The following DHRSX variants were observed in gnomAD, a reference collection of about 807,000 sequenced individuals.
DHRSX encodes dehydrogenase/reductase X-linked.
Under a neutral mutation model 34.0 loss-of-function variants are expected in DHRSX, and 31 were observed. That is an observed-to-expected ratio of 0.91 (90% CI 0.69 to 1.23). The LOEUF is 1.23. DHRSX is among the 50% of genes most tolerant of loss of function. The pLI, the probability that DHRSX is intolerant of heterozygous loss-of-function variation, is 0.00. For synonymous variants in DHRSX, 201 were observed against 183.8 expected (o/e 1.09, Z -0.76); for missense variants, 414 against 428.1 (o/e 0.97, Z 0.29).
intron 1 of DHRSX, among the ~76,000 whole-genome samples, chrX:2,445,128 G>T (rs2044113663): frequency 6.6e-6 from 1 of 152,142 alleles, no homozygotes; most frequent in African/African-American, 2.4e-5. Flanking sequence ...CTGCACTCCA[G>T]CCTGGGCAAC....
At chrX:2,255,311 T>C (rs73183498) in intron 5 of DHRSX, among the ~76,000 whole-genome samples, 19,951 of 152,064 alleles carry the variant, frequency 0.13, 1,833 homozygotes, top group Non-Finnish European at 0.19. Context: ...CATAGACACA[T>C]AGTGAGTGTG....
intron 3 of DHRSX, among the ~76,000 whole-genome samples, chrX:2,401,421 A>G (rs1367894030): frequency 6.6e-6 from 1 of 152,194 alleles, no homozygotes; most frequent in Non-Finnish European, 1.5e-5. Context: ...AGGAAGCTAA[A>G]TGAATCAGAA....
chrX:2,441,415 C>T (rs942418252), intron 1 of DHRSX, among the ~76,000 whole-genome samples: 1 of 152,130 alleles, frequency 6.6e-6, no homozygotes, highest in African/African-American at 2.4e-5. Flanking sequence ...ATGATGTCAT[C>T]TGTGGACACA....
At chrX:2,422,984 G>A (rs1396002857) in intron 2 of DHRSX, among the ~76,000 whole-genome samples, 2 of 151,506 alleles carry the variant, frequency 1.3e-5, no homozygotes, top group Admixed American at 6.6e-5. Flanking sequence ...TGTGTTTTTA[G>A]GACAGTCAGG....
intron 4 of DHRSX, among the ~76,000 whole-genome samples, chrX:2,271,604 G>A (rs1342720971): frequency 6.6e-6 from 1 of 152,094 alleles, no homozygotes. Flanking sequence ...AAACCAACTG[G>A]GAGGGATCCA....
intron 4 of DHRSX, among the ~76,000 whole-genome samples, chrX:2,267,458 T>C (rs1602838810): frequency 6.6e-6 from 1 of 151,954 alleles, no homozygotes; most frequent in South Asian, 2.1e-4. Context: ...GGCAGGAGAA[T>C]TGCTTGAACC....
intron 1 of DHRSX, among the ~76,000 whole-genome samples, chrX:2,430,743 T>A (rs1165880830): frequency 7.9e-5 from 12 of 152,120 alleles, no homozygotes; most frequent in Non-Finnish European, 1.8e-4. Flanking sequence ...TCAGGCGCAG[T>A]GGCTCATGCC....
chrX:2,231,738 T>C (rs779490795), intron 6 of DHRSX, among the ~76,000 whole-genome samples: 3 of 151,168 alleles, frequency 2.0e-5, no homozygotes, highest in Admixed American at 6.6e-5. Context: ...TCTTCTCTTC[T>C]TCCTCCTCCA....
At position 2,456,855 on chromosome X, in the gene DHRSX, G is replaced by A. The variant is rs760249768; in HGVS notation, c.110-31551C>T. Among the ~76,000 whole-genome samples, 38 of 152,234 alleles carry A rather than the reference G, an allele frequency of 2.5e-4. 1 individual carries two copies. Among genetic ancestry groups the A allele is most frequent in the Non-Finnish European group, 5.1e-4 (35 of 68,014 alleles). On this transcript the variant is annotated intron_variant, in intron 1 of 6. Transcript: ENST00000334651. Reference sequence around the variant, plus strand: ...AATCTCTGATCTGAGTGCGGCTGGGGAGCTGCTGTTCCAGAAAGCAAATGA... The same window carrying A: ...AATCTCTGATCTGAGTGCGGCTGGGAAGCTGCTGTTCCAGAAAGCAAATGA...
intron 6 of DHRSX, among the ~76,000 whole-genome samples, chrX:2,236,172 A>G (rs2016011289): frequency 6.6e-6 from 1 of 152,200 alleles, no homozygotes; most frequent in Admixed American, 6.5e-5. Context: ...TAAATTTATA[A>G]TAAATAAGTG....
intron 3 of DHRSX, among the ~76,000 whole-genome samples, chrX:2,338,869 G>A (rs1190702966): frequency 6.6e-6 from 1 of 151,866 alleles, no homozygotes; most frequent in African/African-American, 2.4e-5. Flanking sequence ...TCTACCATGG[G>A]GTATTTATGT....
chrX:2,241,001 T>C (rs2016129421), intron 6 of DHRSX, among the ~76,000 whole-genome samples: 1 of 152,020 alleles, frequency 6.6e-6, no homozygotes, highest in South Asian at 2.1e-4. Flanking sequence ...TTGGCCAACA[T>C]GGTGAAACCC....
Position 2,221,015 on chromosome X carries a change from G to A in DHRSX, c.*26C>T, listed in dbSNP as rs2015507535. 5.6e-6 allele frequency: 9 copies of A among 1,608,778 alleles called. No individual in the cohort carries two copies. The East Asian group carries it at 2.0e-4, about 36-fold the overall frequency. On this transcript the variant is annotated 3_prime_UTR_variant, in exon 7 of 7. Coordinates refer to ENST00000334651, the MANE Select transcript of DHRSX (RefSeq NM_145177.3). ...TTGGCAGGTGCAATGTGTTTCTTGG[G>A]GCAGCAGCTATCCTGAGACAGGATA...
intron 6 of DHRSX, among the ~76,000 whole-genome samples, chrX:2,240,195 A>C (rs1409247844): frequency 6.6e-6 from 1 of 151,988 alleles, no homozygotes; most frequent in Non-Finnish European, 1.5e-5. Context: ...CAGGAGGCTG[A>C]GGCAGGAGAA....
At chrX:2,426,842 T>G (rs994172603) in intron 1 of DHRSX, among the ~76,000 whole-genome samples, 4 of 151,554 alleles carry the variant, frequency 2.6e-5, no homozygotes. Flanking sequence ...CTTTCTTTCC[T>G]CCCTCTTTCC....
At chrX:2,316,169 A>AT (rs2042239732) in intron 3 of DHRSX, among the ~76,000 whole-genome samples, 1 of 150,176 alleles carries the variant, frequency 6.7e-6, no homozygotes, top group African/African-American at 2.4e-5. Flanking sequence ...GCCAAGTCTC[A>AT]TTTTCATTTT....
intron 5 of DHRSX, among the ~76,000 whole-genome samples, chrX:2,247,873 C>T (rs1043948278): frequency 6.6e-6 from 1 of 152,054 alleles, no homozygotes; most frequent in Non-Finnish European, 1.5e-5. Flanking sequence ...AAGGGCACCA[C>T]GGAAACTGGA....
intron 1 of DHRSX, among the ~76,000 whole-genome samples, chrX:2,446,438 G>A (rs1036750760): frequency 2.7e-5 from 4 of 150,810 alleles, no homozygotes; most frequent in Non-Finnish European, 3.0e-5. Flanking sequence ...CCCAAGGGAC[G>A]ACAGCTGTGT....
rs139841013 is a variant in DHRSX, at chrX:2,425,302, A to G, written c.112T>C (p.Phe38Leu). ...RCRGGFLEPV[F>L]PPRPDRVAIV... The stretch of plus-strand genomic sequence containing the variant: ...GCGACACGGTCAGGTCGTGGGGGGA[A>G]AACTGAAAAAGAAGAAGAGAAAATC... Residue 38 changes from phenylalanine to leucine, a missense_variant and splice_region_variant, in exon 2 of 7, where the codon TTC (phenylalanine) becomes CTC (leucine). Transcript: ENST00000334651. 118,622 of 1,610,256 alleles carry G rather than the reference A, an allele frequency of 0.074. 4,979 individuals are homozygous for G. Among genetic ancestry groups the G allele is most frequent in the Middle Eastern group, 0.1 (625 of 6,040 alleles).
Sources: allele counts gnomAD v4.1 joint callset (sites outside exome capture counted in the v4.1 genomes callset), GRCh38; gene constraint gnomAD v4.1.1; transcripts MANE v1.5; gene names NCBI Gene and HGNC (gene_info 2026-07-23, HGNC 2026-07-21).